The following AOAH variants were observed in gnomAD, a reference collection of about 807,000 sequenced individuals.
AOAH encodes the protein acyloxyacyl hydrolase.
Under a neutral mutation model 92.2 loss-of-function variants are expected in AOAH, and 64 were observed. That is an observed-to-expected ratio of 0.69 (90% confidence interval 0.57 to 0.86). The LOEUF is 0.86. AOAH is among the 40% of genes least tolerant of loss of function. The pLI is 0.00. For synonymous variants in AOAH, 263 were observed against 254.5 expected, an observed-to-expected ratio of 1.03 and a Z score of -0.32; for missense variants, 656 against 694.6, an observed-to-expected ratio of 0.94 and a Z score of 0.62.
intron 4 of AOAH, among the ~76,000 whole-genome samples, chr7:36,650,703 T>C (rs1295977368): frequency 6.6e-6 from 1 of 152,212 alleles, no homozygotes; most frequent in Non-Finnish European, 1.5e-5. Context: ...TGAGACCAGA[T>C]ACATCCTCAC....
At chr7:36,528,337 C>T (rs1784509323) in intron 19 of AOAH, among the ~76,000 whole-genome samples, 1 of 152,178 alleles carries the variant, frequency 6.6e-6, no homozygotes, top group Non-Finnish European at 1.5e-5. Context: ...TGCTTTTTCA[C>T]TGTGTTTATT....
At chr7:36,521,967 A>G in intron 20 of AOAH, 72 bp downstream of exon 20, 1 of 1,250,882 alleles carries the variant, frequency 8.0e-7, no homozygotes, top group South Asian at 1.2e-5. Flanking sequence ...TAAACACATG[A>G]ATGTGTAACC....
At chr7:36,521,266 G>A (rs753191591) in intron 20 of AOAH, among the ~76,000 whole-genome samples, 11 of 152,154 alleles carry the variant, frequency 7.2e-5, no homozygotes, top group Middle Eastern at 3.2e-3. Context: ...AGAGTAAATG[G>A]CCCATCCCTC....
chr7:36,720,352 T>A (rs867870780), intron 1 of AOAH, among the ~76,000 whole-genome samples: 1 of 144,364 alleles, frequency 6.9e-6, no homozygotes, highest in Non-Finnish European at 1.5e-5. Context: ...TTTTTTTTTT[T>A]AGTAGAGACA....
At chr7:36,692,779 A>G (rs1035439947) in intron 1 of AOAH, among the ~76,000 whole-genome samples, 13 of 152,204 alleles carry the variant, frequency 8.5e-5, no homozygotes, top group African/African-American at 2.4e-5. Flanking sequence ...TATGAATAAA[A>G]GAAGTCACAG....
intron 4 of AOAH, among the ~76,000 whole-genome samples, chr7:36,639,569 A>G (rs546356202): frequency 6.6e-6 from 1 of 152,240 alleles, no homozygotes; most frequent in Non-Finnish European, 1.5e-5. Context: ...GCACATAGGA[A>G]AAAACCTTGC....
chr7:36,579,685 C>T (rs758751136), intron 12 of AOAH, among the ~76,000 whole-genome samples: 1 of 152,092 alleles, frequency 6.6e-6, no homozygotes, highest in Non-Finnish European at 1.5e-5. Flanking sequence ...AAAGATGTAG[C>T]CTGGGAGGCC....
intron 19 of AOAH, among the ~76,000 whole-genome samples, chr7:36,528,769 A>C (rs966505068): frequency 2.0e-5 from 3 of 152,146 alleles, no homozygotes; most frequent in Non-Finnish European, 4.4e-5. Flanking sequence ...CTAATAAAAA[A>C]AGATGTTTTG....
At chr7:36,636,300 T>C (rs1793520572) in intron 5 of AOAH, among the ~76,000 whole-genome samples, 1 of 152,214 alleles carries the variant, frequency 6.6e-6, no homozygotes, top group South Asian at 2.1e-4. Context: ...TTTTCACTTC[T>C]CGCGAGTAAT....
Position 36,629,667 on chromosome 7 carries a change from TTTTAACTG to T in AOAH, c.521+2361_521+2368del, listed in dbSNP as rs375735933. Among the ~76,000 whole-genome samples the T allele has an allele frequency of 1.4e-4, 21 of 152,190 alleles. No individual in the cohort carries two copies. In the East Asian group the frequency reaches 3.7e-3, roughly 27 times the overall value. ...TGCCAGAAGATTGGCTAGGAAGAGT[TTTTAACTG>T]TTTAACTCTTGGATCTCTCTAAGAG... On this transcript the variant is annotated intron_variant, in intron 6 of 20. Transcript: ENST00000617537.
At chr7:36,635,643 C>T (rs1231462597) in intron 5 of AOAH, among the ~76,000 whole-genome samples, 4 of 152,132 alleles carry the variant, frequency 2.6e-5, no homozygotes, top group African/African-American at 7.2e-5. Context: ...CCAATATCCG[C>T]ATAGCCTGTG....
chr7:36,651,923 G>A (rs542936391), intron 4 of AOAH, among the ~76,000 whole-genome samples: 3 of 152,082 alleles, frequency 2.0e-5, no homozygotes, highest in African/African-American at 4.8e-5. Context: ...AGTAACAATT[G>A]TAGGTATTTG....
intron 13 of AOAH, among the ~76,000 whole-genome samples, chr7:36,560,629 T>C (rs1354697178): frequency 6.6e-6 from 1 of 152,206 alleles, no homozygotes; most frequent in Admixed American, 6.5e-5. Flanking sequence ...CAGGAGCCTT[T>C]TAGTGTAGTC....
intron 13 of AOAH, among the ~76,000 whole-genome samples, chr7:36,553,399 G>A (rs1241223628): frequency 1.3e-5 from 2 of 151,330 alleles, no homozygotes; most frequent in Non-Finnish European, 3.0e-5. Flanking sequence ...TTGGACATTT[G>A]GGTTGGTTCC....
intron 12 of AOAH, among the ~76,000 whole-genome samples, chr7:36,585,249 C>T (rs571241228): frequency 6.6e-4 from 101 of 152,074 alleles, no homozygotes; most frequent in African/African-American, 2.2e-3. Flanking sequence ...ACAAAGACAA[C>T]GGGCGATGCC....
chr7:36,632,570 T>A (rs1347603653), intron 5 of AOAH, among the ~76,000 whole-genome samples: 2 of 152,216 alleles, frequency 1.3e-5, no homozygotes, highest in Non-Finnish European at 2.9e-5. Context: ...AAGCCCCTTG[T>A]GCTTCTTGAG....
Position 36,706,829 on chromosome 7 carries a change from T to G in AOAH, c.127+17193A>C, listed in dbSNP as rs545934869. On this transcript the variant is annotated intron_variant, in intron 1 of 20. Transcript: ENST00000617537. Reference sequence around the variant, plus strand: ...AAACCAACCTCTGATAGTTTTATACTTTTTTTCCAGCTTCCTCACCTCTCC... The same window carrying G: ...AAACCAACCTCTGATAGTTTTATACGTTTTTTCCAGCTTCCTCACCTCTCC... 7.9e-5 allele frequency among the ~76,000 whole-genome samples: 12 copies of G among 152,252 alleles called. No homozygotes were observed. In the South Asian group the frequency reaches 2.3e-3, roughly 29 times the overall value.
chr7:36,590,223 C>T (rs981658245), intron 12 of AOAH, among the ~76,000 whole-genome samples: 3 of 152,212 alleles, frequency 2.0e-5, no homozygotes, highest in African/African-American at 4.8e-5. Flanking sequence ...TGCCCAGTAG[C>T]TATTTTTAAT....
rs182339654 is a variant in AOAH, at chr7:36,715,394, A to T, written c.127+8628T>A. Among the ~76,000 whole-genome samples the T allele has an allele frequency of 2.2e-3, 336 of 152,258 alleles. 3 individuals are homozygous for T. Among genetic ancestry groups the T allele is most frequent in the African/African-American group, 7.9e-3 (326 of 41,524 alleles). ...GAATCAGTATCATGAAAATGACCAT[A>T]CTGCCCAAGGTAATTTATAGATTCA... is the stretch of plus-strand genomic sequence containing the variant. On this transcript the variant is annotated intron_variant, in intron 1 of 20. Transcript: ENST00000617537.
Sources: gnomAD v4.1 joint callset for allele counts (sites outside exome capture counted in the v4.1 genomes callset) on GRCh38, gnomAD v4.1.1 for gene constraint, MANE v1.5 for transcripts, NCBI Gene and HGNC (gene_info 2026-07-23, HGNC 2026-07-21) for gene names.